The following PHACTR3 variants were observed in gnomAD, a reference collection of about 807,000 sequenced individuals.
The protein encoded by PHACTR3 is phosphatase and actin regulator 3.
PHACTR3 carries 16 observed loss-of-function variants against 66.8 expected under a neutral mutation model. The observed-to-expected ratio is 0.24, with a 90% CI of 0.16 to 0.36. The LOEUF (loss-of-function observed/expected upper bound fraction) is 0.36. Ranked by LOEUF, PHACTR3 falls within the 10% of genes least tolerant of loss-of-function variation. The pLI, the probability that PHACTR3 is intolerant of heterozygous loss-of-function variation, is 1.00. For missense variants in PHACTR3, 647 were observed against 719.9 expected (o/e 0.90, Z 1.16); for synonymous variants, 323 against 292.1 (o/e 1.11, Z -1.08).
intron 7 of PHACTR3, among the ~76,000 whole-genome samples, chr20:59,776,909 C>T (rs1342361923): frequency 2.0e-5 from 3 of 152,222 alleles, no homozygotes; most frequent in Non-Finnish European, 4.4e-5. Flanking sequence ...CCTGCTCAGC[C>T]AGGTGGCCTG....
At chr20:59,655,826 A>G (rs907918551) in intron 1 of PHACTR3, among the ~76,000 whole-genome samples, 3 of 151,736 alleles carry the variant, frequency 2.0e-5, no homozygotes, top group African/African-American at 7.2e-5. Flanking sequence ...TGTTTCATAA[A>G]TTTTGCTTCA....
chr20:59,805,061 A>T (rs2041525346), intron 7 of PHACTR3, among the ~76,000 whole-genome samples: 1 of 152,228 alleles, frequency 6.6e-6, no homozygotes, highest in South Asian at 2.1e-4. Flanking sequence ...AGGCAGCAGC[A>T]TCTGCAGTGG....
At chr20:59,837,174 G>A (rs1451575795) in intron 9 of PHACTR3, among the ~76,000 whole-genome samples, 1 of 152,168 alleles carries the variant, frequency 6.6e-6, no homozygotes. Flanking sequence ...AGTGATTTAG[G>A]GGTGGCCAAA....
intron 1 of PHACTR3, among the ~76,000 whole-genome samples, chr20:59,711,069 A>G (rs1248701674): frequency 6.6e-6 from 1 of 152,172 alleles, no homozygotes; most frequent in Non-Finnish European, 1.5e-5. Context: ...AATATTTATA[A>G]TACTGATGCC....
intron 7 of PHACTR3, among the ~76,000 whole-genome samples, chr20:59,783,846 A>G (rs1454756962): frequency 6.6e-6 from 1 of 152,254 alleles, no homozygotes; most frequent in Non-Finnish European, 1.5e-5. Context: ...ACAGGCAAAG[A>G]GTACTCTGTG....
chr20:59,605,081 G>C lies in PHACTR3; in HGVS notation c.67G>C (p.Val23Leu). 1 of 1,418,400 alleles carries C rather than the reference G, an allele frequency of 7.1e-7. No individual in the cohort carries two copies. 87.9% of individuals were successfully genotyped at this position (1,418,400 alleles called of 1,614,324 possible). The change falls in exon 1 of 13, where the codon GTC becomes CTC. Residue 23 changes from valine (V) to leucine (L), a missense_variant. Coordinates refer to ENST00000371015, the MANE Select transcript of PHACTR3 (RefSeq NM_080672.5). ...GGGCCGCTCGCAGAGTGACCCCAGC[G>C]TCCTCACCGACTCCTCGGCCACCTC... ...SRGRSQSDPS[V>L]LTDSSATSSA...
chr20:59,760,339 T>C (rs1485132573), intron 4 of PHACTR3, among the ~76,000 whole-genome samples: 2 of 152,178 alleles, frequency 1.3e-5, no homozygotes, highest in Non-Finnish European at 2.9e-5. Flanking sequence ...CTGGTTTTGT[T>C]TGGATGGTGC....
chr20:59,709,940 T>A (rs568642136), intron 1 of PHACTR3, among the ~76,000 whole-genome samples: 1 of 152,150 alleles, frequency 6.6e-6, no homozygotes, highest in South Asian at 2.1e-4. Flanking sequence ...TGGGACATGG[T>A]CTTTTATGGG....
chr20:59,703,135 C>A (rs990839249), intron 1 of PHACTR3, among the ~76,000 whole-genome samples: 1 of 152,142 alleles, frequency 6.6e-6, no homozygotes, highest in Admixed American at 6.6e-5. Context: ...TAGTTTTGAA[C>A]AGGTCCTGAA....
chr20:59,838,154 G>C lies in PHACTR3; in HGVS notation c.1384+1594G>C, dbSNP rs551085212. Among the ~76,000 whole-genome samples the C allele has an allele frequency of 2.6e-5, 4 of 152,264 alleles. No individual in the cohort carries two copies. In the South Asian group the frequency reaches 6.2e-4, roughly 24 times the overall value. On this transcript the variant is annotated intron_variant, in intron 9 of 12. Coordinates refer to ENST00000371015, the MANE Select transcript of PHACTR3 (RefSeq NM_080672.5). Reference sequence around the variant, plus strand: ...ATGTAGGTTTGTCCTTAGCTCGGAAGCCCTCTCTAGTGTCCTGAGTGGAAG... The same window carrying C: ...ATGTAGGTTTGTCCTTAGCTCGGAACCCCTCTCTAGTGTCCTGAGTGGAAG...
In PHACTR3 at chr20:59,633,324, A is replaced by G. The variant is rs1383272856; in HGVS notation, c.118+28192A>G. Among the ~76,000 whole-genome samples, 9 of 152,216 alleles carry G rather than the reference A, an allele frequency of 5.9e-5. No individual in the cohort carries two copies. In the East Asian group the frequency reaches 1.7e-3, roughly 29 times the overall value. Reference sequence around the variant, plus strand: ...CACCATGGAATACTATGCAGCCATAAAAAGGAATGAGATCATGTCCTTTGT... The same window carrying G: ...CACCATGGAATACTATGCAGCCATAGAAAGGAATGAGATCATGTCCTTTGT... On this transcript the variant is annotated intron_variant, in intron 1 of 12. Coordinates refer to ENST00000371015, the MANE Select transcript of PHACTR3 (RefSeq NM_080672.5).
At chr20:59,821,359 C>G (rs917767050) in intron 8 of PHACTR3, among the ~76,000 whole-genome samples, 1 of 152,192 alleles carries the variant, frequency 6.6e-6, no homozygotes. Context: ...GCTATTTACC[C>G]TTATGCCGGT....
In PHACTR3 at chr20:59,605,151, GCGGC is replaced by G; in HGVS notation, c.118+20_118+23del. ...AACCCAGGTAACGGGCTGGGCGGGG[GCGGC>G]GGGCGGGTCGGGGAGGCCCGAGGCA... On this transcript the variant is annotated intron_variant, in intron 1 of 12. Coordinates refer to ENST00000371015, the MANE Select transcript of PHACTR3 (RefSeq NM_080672.5). 13 of 1,296,812 alleles carry G rather than the reference GCGGC, an allele frequency of 1.0e-5. No homozygotes were observed. Among genetic ancestry groups the G allele is most frequent in the African/African-American group, 1.5e-5 (1 of 64,550 alleles). 80.3% of individuals were successfully genotyped at this position (1,296,812 alleles called of 1,614,324 possible).
At chr20:59,587,759 T>G (rs971518911) in intron 1 of PHACTR3, among the ~76,000 whole-genome samples, 5 of 151,530 alleles carry the variant, frequency 3.3e-5, no homozygotes, top group Non-Finnish European at 5.9e-5. Context: ...GAGCCGGGGC[T>G]GGGGCTGGGG....
chr20:59,822,879 C>T (rs796882072), intron 8 of PHACTR3, among the ~76,000 whole-genome samples: 3 of 152,262 alleles, frequency 2.0e-5, no homozygotes, highest in African/African-American at 7.2e-5. Context: ...GTCTGGGACC[C>T]TGGGAAGCCA....
chr20:59,667,645 C>A (rs1230139907), intron 1 of PHACTR3, among the ~76,000 whole-genome samples: 1 of 152,224 alleles, frequency 6.6e-6, no homozygotes, highest in Non-Finnish European at 1.5e-5. Context: ...GATTTCATCA[C>A]AACTCACCAG....
intron 1 of PHACTR3, among the ~76,000 whole-genome samples, chr20:59,689,573 G>A (rs1347215959): frequency 6.6e-6 from 1 of 152,166 alleles, no homozygotes; most frequent in African/African-American, 2.4e-5. Flanking sequence ...AGGATGTTGT[G>A]TGGATTCTCC....
At chr20:59,729,439 A>T (rs1443631876) in intron 1 of PHACTR3, among the ~76,000 whole-genome samples, 2 of 152,104 alleles carry the variant, frequency 1.3e-5, no homozygotes, top group Non-Finnish European at 2.9e-5. Context: ...TGGGCAAAGA[A>T]ATTGCATGGC....
chr20:59,809,273 T>A (rs2041663800), intron 8 of PHACTR3, among the ~76,000 whole-genome samples: 1 of 151,800 alleles, frequency 6.6e-6, no homozygotes, highest in Non-Finnish European at 1.5e-5. Flanking sequence ...TGTTACAGAG[T>A]TGTGCTTGGG....
Sources: allele counts gnomAD v4.1 joint callset (sites outside exome capture counted in the v4.1 genomes callset), GRCh38; gene constraint gnomAD v4.1.1; transcripts MANE v1.5; gene names NCBI Gene and HGNC (gene_info 2026-07-23, HGNC 2026-07-21).